FRMPD2: variants seen among roughly 807,000 people sequenced by gnomAD.
FRMPD2 encodes FERM and PDZ domain-containing protein 2.
Under a neutral mutation model 140.1 loss-of-function variants are expected in FRMPD2, and 96 were observed. That is an observed-to-expected ratio of 0.69 (90% CI 0.58 to 0.81). The LOEUF is 0.81. Among genes scored for constraint, FRMPD2 ranks in the 40% least tolerant of loss-of-function variants. The pLI is 0.00. For synonymous variants in FRMPD2, 449 were observed against 547.6 expected (o/e 0.82, Z 2.52); for missense variants, 1,240 against 1,447.4 (o/e 0.86, Z 2.32).
rs776817888 is a variant in FRMPD2, at chr10:48,251,598, G to T, written c.119C>A (p.Ala40Asp). 2 of 1,614,224 alleles carry T rather than the reference G, an allele frequency of 1.2e-6. No homozygotes were observed. Among genetic ancestry groups the T allele is most frequent in the Admixed American group, 3.3e-5 (2 of 60,034 alleles). The change falls in exon 2 of 29, where the codon GCC (alanine) becomes GAC (aspartate). Residue 40 changes from alanine to aspartate, a missense_variant. By Grantham distance (126) the Ala-to-Asp change is moderately radical (BLOSUM62 -2). This residue lies in a region of FRMPD2 where 1,161 missense variants were observed against 1,055.9 expected (regional missense o/e 1.10). Coordinates refer to ENST00000374201, the MANE Select transcript of FRMPD2 (RefSeq NM_001018071.4). ...EEEIWSLLFL[A>D]AEQLLEDLRN... ...GAGGTCTTCCAGGAGCTGCTCAGCG[G>T]CCAGGAACAGGAGGGACCAGATTTC...
chr10:48,185,216 G>A (rs976856042), intron 18 of FRMPD2, among the ~76,000 whole-genome samples: 2 of 152,044 alleles, frequency 1.3e-5, no homozygotes, highest in African/African-American at 2.4e-5. Context: ...ACAGTTTTTC[G>A]GGTCTTAGAA....
At chr10:48,161,395 A>G (rs575732514) in intron 28 of FRMPD2, among the ~76,000 whole-genome samples, 1 of 151,448 alleles carries the variant, frequency 6.6e-6, no homozygotes, top group African/African-American at 2.4e-5. Flanking sequence ...CAAAAAAAAA[A>G]CAGCAAATGC....
intron 1 of FRMPD2, among the ~76,000 whole-genome samples, chr10:48,271,547 C>T (rs1278713669): frequency 6.6e-6 from 1 of 152,178 alleles, no homozygotes; most frequent in Admixed American, 6.5e-5. Flanking sequence ...TCCTTCCTGC[C>T]TCCCTTCACT....
intron 10 of FRMPD2, among the ~76,000 whole-genome samples, chr10:48,229,100 T>G (rs997887940): frequency 6.6e-5 from 10 of 152,150 alleles, no homozygotes; most frequent in Non-Finnish European, 1.3e-4. Flanking sequence ...ATTGCAGTAT[T>G]AGCCTCTACT....
At position 48,216,193 on chromosome 10, in the gene FRMPD2, C is replaced by T. The variant is rs142488853; in HGVS notation, c.1456-4084G>A. Among the ~76,000 whole-genome samples, 615 of 152,120 alleles carry T rather than the reference C, an allele frequency of 4.0e-3. 5 individuals carry two copies. The highest frequency in any genetic ancestry group is 0.014 in the African/African-American group (567 of 41,490). ...GCCTACATAACCACATGAGCCAATG[C>T]CTTCTAATACATCTCTAGATAGACA... On this transcript the variant is annotated intron_variant, in intron 12 of 28. Transcript: ENST00000374201.
chr10:48,221,576 C>T (rs74532998), intron 12 of FRMPD2, among the ~76,000 whole-genome samples: 5,228 of 151,902 alleles, frequency 0.034, 112 homozygotes, highest in Non-Finnish European at 0.042. Flanking sequence ...CTCCAAAAGC[C>T]TATTGAAATA....
chr10:48,269,860 G>A (rs1441580147), intron 1 of FRMPD2, among the ~76,000 whole-genome samples: 3 of 152,148 alleles, frequency 2.0e-5, no homozygotes, highest in African/African-American at 7.2e-5. Flanking sequence ...GTGAAGGCTT[G>A]TCCAGAATCC....
chr10:48,167,343 G>A (rs1838121922), intron 27 of FRMPD2, among the ~76,000 whole-genome samples: 3 of 11,230 alleles, frequency 2.7e-4, no homozygotes, highest in South Asian at 2.6e-3. Context: ...CCAGGTACCC[G>A]CCCAGATCCC....
chr10:48,274,234 T>G (rs1042729559), intron 1 of FRMPD2, among the ~76,000 whole-genome samples: 2 of 152,168 alleles, frequency 1.3e-5, no homozygotes, highest in African/African-American at 4.8e-5. Context: ...TTAGGAAAGT[T>G]AAAAGAGTCA....
chr10:48,179,684 G>A (rs2132419677), intron 21 of FRMPD2, among the ~76,000 whole-genome samples: 1 of 152,018 alleles, frequency 6.6e-6, no homozygotes, highest in African/African-American at 2.4e-5. Flanking sequence ...AAGATGAGTA[G>A]AAGAAAGATA....
chr10:48,182,014 CAGTT>C (rs1838565676), intron 20 of FRMPD2, among the ~76,000 whole-genome samples: 1 of 151,494 alleles, frequency 6.6e-6, no homozygotes, highest in Non-Finnish European at 1.5e-5. Flanking sequence ...GAATGAATAA[CAGTT>C]AGATTTTCTT....
At chr10:48,254,875 G>A (rs937933512) in intron 1 of FRMPD2, among the ~76,000 whole-genome samples, 1 of 152,158 alleles carries the variant, frequency 6.6e-6, no homozygotes, top group East Asian at 1.9e-4. Flanking sequence ...GCACTTTATG[G>A]GGCCTGTAAT....
chr10:48,238,612 G>A (rs371425342), intron 7 of FRMPD2, among the ~76,000 whole-genome samples: 22 of 152,206 alleles, frequency 1.4e-4, no homozygotes, highest in Non-Finnish European at 1.8e-4. Context: ...CAATCAGGGC[G>A]TCAGCTGTGG....
At chr10:48,197,938 C>T (rs1187477920) in intron 15 of FRMPD2, among the ~76,000 whole-genome samples, 1 of 152,172 alleles carries the variant, frequency 6.6e-6, no homozygotes, top group African/African-American at 2.4e-5. Flanking sequence ...CTGGTACCTG[C>T]CTCCTGGGGC....
intron 15 of FRMPD2, among the ~76,000 whole-genome samples, chr10:48,200,197 TA>T (rs201140091): frequency 7.2e-6 from 1 of 139,722 alleles, no homozygotes; most frequent in East Asian, 2.2e-4. Flanking sequence ...AATAAATAAA[TA>T]AAACAGAGCC....
rs1837786410 is a variant in FRMPD2 at position 48,156,742 on chromosome 10, A to G, written c.*580T>C. On this transcript the variant is annotated 3_prime_UTR_variant, in exon 29 of 29. Transcript: ENST00000374201. The stretch of plus-strand genomic sequence containing the variant: ...GGGCAATGACCCAGTTCTAAGACAG[A>G]CTCGTCACATGGCAAGCAGAGTCGG... 5.6e-6 allele frequency: 1 copy of G among 178,900 alleles called. No individual in the cohort carries two copies. The allele number at this position is 178,900 out of a possible 1,614,324, so 11.1% of individuals were successfully genotyped here. A position where few individuals can be genotyped will look rare whatever the true frequency, so the allele number is the denominator to read the frequency against.
At chr10:48,256,634 G>T (rs1840496214) in intron 1 of FRMPD2, among the ~76,000 whole-genome samples, 1 of 152,132 alleles carries the variant, frequency 6.6e-6, no homozygotes, top group Non-Finnish European at 1.5e-5. Context: ...GGTCCCTAAG[G>T]ACCTTCTCAG....
chr10:48,209,336 C>T, intron 13 of FRMPD2, among the ~76,000 whole-genome samples: 1 of 152,160 alleles, frequency 6.6e-6, no homozygotes, highest in South Asian at 2.1e-4. Context: ...CTGAATTCAC[C>T]TTAAACAGGT....
intron 3 of FRMPD2, among the ~76,000 whole-genome samples, chr10:48,245,631 C>A (rs1042666038): frequency 6.6e-6 from 1 of 152,176 alleles, no homozygotes; most frequent in African/African-American, 2.4e-5. Flanking sequence ...ATATACCAGG[C>A]CTTGTTCTAA....
Sources: gnomAD v4.1 joint callset for allele counts (sites outside exome capture counted in the v4.1 genomes callset) on GRCh38, gnomAD v4.1.1 for gene constraint, gnomAD v4.1.1 regional missense constraint, MANE v1.5 for transcripts, NCBI Gene and HGNC (gene_info 2026-07-23, HGNC 2026-07-21) for gene names.